The following NF1 variants were observed in gnomAD, a reference collection of about 807,000 sequenced individuals.
NF1 encodes the protein neurofibromin 1, also known as neurofibromin.
NF1 carries 122 observed loss-of-function variants against 325.7 expected under a neutral mutation model. The observed-to-expected ratio is 0.37, with a 90% CI of 0.32 to 0.44. The LOEUF (loss-of-function observed/expected upper bound fraction) is 0.44, where lower values mean the gene tolerates loss of function less well. Among genes scored for constraint, NF1 ranks in the 20% least tolerant of loss-of-function variants. The probability of loss-of-function intolerance (pLI) is 1.00; values close to 1 mark genes in which losing one functional copy is unlikely to be tolerated. For missense variants in NF1, 2,140 were observed against 3,415.4 expected, an observed-to-expected ratio of 0.63 and a Z score of 9.31; for synonymous variants, 1,091 against 1,186.0, an observed-to-expected ratio of 0.92 and a Z score of 1.65.
Position 31,330,459 on chromosome 17 carries a change from G to C in NF1, c.5773G>C (p.Glu1925Gln). The change falls in exon 39 of 58, where the codon GAA (glutamate) becomes CAA (glutamine). Residue 1925 changes from glutamate to glutamine, a missense_variant. Around this residue, in one of 10 missense-constraint regions of NF1, gnomAD observed 180 missense variants for 435.1 expected, o/e 0.41. Coordinates refer to ENST00000358273, the MANE Select transcript of NF1 (RefSeq NM_001042492.3). ...AGCCAATGAGCCACACCTCACGTTAGAATTTTTGGAAGAGTGTATTTCTGG... is the reference window on the plus strand; with the variant it reads ...AGCCAATGAGCCACACCTCACGTTACAATTTTTGGAAGAGTGTATTTCTGG... ...LAANEPHLTL[E>Q]FLEECISGFS... The C allele has an allele frequency of 6.2e-7, 1 of 1,613,692 alleles. No homozygotes were observed. Among genetic ancestry groups the C allele is most frequent in the Non-Finnish European group, 8.5e-7 (1 of 1,179,728 alleles).
intron 13 of NF1, among the ~76,000 whole-genome samples, chr17:31,217,700 C>T (rs1005626963): frequency 2.7e-4 from 41 of 151,716 alleles, no homozygotes; most frequent in African/African-American, 9.7e-4. Context: ...CGTGGTCGCT[C>T]ACATCTGTAA....
intron 14 of NF1, among the ~76,000 whole-genome samples, chr17:31,220,333 A>G (rs1789473318): frequency 6.6e-6 from 1 of 152,154 alleles, no homozygotes; most frequent in Admixed American, 6.5e-5. Context: ...ATTTGTGTAC[A>G]TTGCTATTGG....
rs749567006 is a variant in NF1, at chr17:31,337,847, A to G, written c.6671A>G (p.Lys2224Arg). The G allele has an allele frequency of 2.5e-6, 4 of 1,613,940 alleles. No homozygotes were observed. The East Asian group carries it at 8.9e-5, about 36-fold the overall frequency. The stretch of plus-strand genomic sequence containing the variant: ...TGCATGAGAGATATTCCAACGTGCA[A>G]GTGGCTGGACCAGTGGACAGAACTA... ...EACMRDIPTC[K>R]WLDQWTELAQ... Residue 2224 changes from lysine to arginine, a missense_variant, in exon 44 of 58, where the codon AAG (lysine) becomes AGG (arginine). Lys to Arg is a conservative substitution (Grantham distance 26, BLOSUM62 2). Transcript: ENST00000358273.
chr17:31,211,682 T>C (rs2066730084), intron 12 of NF1, among the ~76,000 whole-genome samples: 1 of 152,206 alleles, frequency 6.6e-6, no homozygotes, highest in Non-Finnish European at 1.5e-5. Flanking sequence ...TAGGCAGTTG[T>C]AGCACAATGG....
At chr17:31,146,110 C>T (rs1416185953) in intron 1 of NF1, among the ~76,000 whole-genome samples, 3 of 152,186 alleles carry the variant, frequency 2.0e-5, no homozygotes, top group African/African-American at 7.2e-5. Flanking sequence ...GGAGTCAAGG[C>T]ATTGCTTAGC....
At chr17:31,144,968 A>G (rs866174378) in intron 1 of NF1, among the ~76,000 whole-genome samples, 2 of 152,316 alleles carry the variant, frequency 1.3e-5, no homozygotes, top group Middle Eastern at 3.4e-3. Context: ...ATTCAAAATA[A>G]ATTCAGAGTT....
chr17:31,279,327 C>T (rs1395068087), intron 36 of NF1, among the ~76,000 whole-genome samples: 1 of 152,180 alleles, frequency 6.6e-6, no homozygotes, highest in Non-Finnish European at 1.5e-5. Flanking sequence ...AGCCATACCA[C>T]CCTGAATGCA....
intron 1 of NF1, among the ~76,000 whole-genome samples, chr17:31,134,462 A>T (rs1226315783): frequency 6.6e-6 from 1 of 152,144 alleles, no homozygotes; most frequent in Non-Finnish European, 1.5e-5. Context: ...GAACATATTT[A>T]TTAGTTATTT....
rs2151582173 is a variant in NF1, at chr17:31,356,966, A to G, written c.7745A>G (p.Gln2582Arg). The part of the protein sequence containing the change: ...VAETDYEMET[Q>R]RISSSQQHPH... ...ATTCCCTATCTTGCTGCAGAAACTC[A>G]GAGGATTTCCTCATCACAACAGCAC... Residue 2582 changes from glutamine (Q) to arginine (R), a missense_variant, in exon 53 of 58, where the codon CAG becomes CGG. Gln to Arg is a conservative substitution (Grantham distance 43). Around this residue, in one of 10 missense-constraint regions of NF1, gnomAD observed 522 missense variants for 749.0 expected, o/e 0.70. Coordinates refer to ENST00000358273, the MANE Select transcript of NF1 (RefSeq NM_001042492.3). 6.2e-7 allele frequency: 1 copy of G among 1,613,940 alleles called. No homozygotes were observed. The highest frequency in any genetic ancestry group is 8.5e-7 in the Non-Finnish European group (1 of 1,179,952).
rs2067622274 is a variant in NF1, at chr17:31,258,420, C to G, written c.4250C>G (p.Ala1417Gly). Residue 1417 changes from alanine (A) to glycine (G), a missense_variant, in exon 32 of 58, where the codon GCC (alanine) becomes GGC (glycine). This residue lies in a region of NF1 where 336 missense variants were observed against 399.0 expected (regional missense o/e 0.84). Coordinates refer to ENST00000358273, the MANE Select transcript of NF1 (RefSeq NM_001042492.3). ...ATGTTCCTCAGATTTATCAATCCTG[C>G]CATTGTCTCACCGTATGAAGCAGGG... Reference protein sequence around the residue: ...SAMFLRFINPAIVSPYEAGIL... With the variant: ...SAMFLRFINPGIVSPYEAGIL... 1 of 1,613,810 alleles carries G rather than the reference C, an allele frequency of 6.2e-7. No homozygotes were observed. The highest frequency in any genetic ancestry group is 8.5e-7 in the Non-Finnish European group (1 of 1,179,910).
At chr17:31,242,938 G>C (rs2067325525) in intron 29 of NF1, among the ~76,000 whole-genome samples, 2 of 152,170 alleles carry the variant, frequency 1.3e-5, no homozygotes, top group South Asian at 4.1e-4. Flanking sequence ...TTCTGGGGAA[G>C]GCTTTCCAAG....
intron 36 of NF1, among the ~76,000 whole-genome samples, chr17:31,283,454 T>G (rs2068163888): frequency 6.7e-6 from 1 of 148,286 alleles, no homozygotes; most frequent in Non-Finnish European, 1.5e-5. Context: ...TTACCAGTTT[T>G]TTTGTTTTTG....
intron 13 of NF1, 38 bp downstream of exon 13, chr17:31,214,623 A>T (rs1446215918): frequency 2.5e-6 from 4 of 1,605,208 alleles, no homozygotes. Context: ...AAATTATCAC[A>T]CTAAGTTAAT....
At chr17:31,231,863 A>G (rs1271010900) in intron 24 of NF1, among the ~76,000 whole-genome samples, 1 of 152,092 alleles carries the variant, frequency 6.6e-6, no homozygotes, top group Non-Finnish European at 1.5e-5. Context: ...GTAGAAAGTA[A>G]GTATTACCTT....
chr17:31,194,576 A>G (rs1395511307), intron 8 of NF1, among the ~76,000 whole-genome samples: 1 of 152,136 alleles, frequency 6.6e-6, no homozygotes, highest in African/African-American at 2.4e-5. Context: ...GATGATGGGT[A>G]TGCTAATTAC....
rs1400744158 is a variant in NF1 at position 31,192,541 on chromosome 17, C to G, written c.889-7881C>G. ...CAGATTTTGTTGTGCAGAGGAATCT[C>G]TCAGCAGACTTCAGAGAGAGAGAAG... On this transcript the variant is annotated intron_variant, in intron 8 of 57. Coordinates refer to ENST00000358273, the MANE Select transcript of NF1 (RefSeq NM_001042492.3). 3.9e-5 allele frequency among the ~76,000 whole-genome samples: 6 copies of G among 152,124 alleles called. No individual in the cohort carries two copies. In the East Asian group the frequency reaches 1.2e-3, roughly 29 times the overall value.
At chr17:31,314,199 C>T in intron 36 of NF1, 1 of 386,274 alleles carries the variant, frequency 2.6e-6, no homozygotes, top group Admixed American at 4.5e-5. Flanking sequence ...TTTAACAGAA[C>T]TTATTTTGAA....
chr17:31,150,392 A>C (rs1916849594), intron 1 of NF1, among the ~76,000 whole-genome samples: 1 of 152,142 alleles, frequency 6.6e-6, no homozygotes, highest in Non-Finnish European at 1.5e-5. Flanking sequence ...CACCACCAGT[A>C]CAATTTGTGT....
intron 1 of NF1, among the ~76,000 whole-genome samples, chr17:31,139,309 A>G (rs1433443738): frequency 6.6e-6 from 1 of 151,254 alleles, no homozygotes; most frequent in Non-Finnish European, 1.5e-5. Context: ...CGGCCTCTCA[A>G]AGTGCTGGGA....
Sources: gnomAD v4.1 joint callset for allele counts (sites outside exome capture counted in the v4.1 genomes callset) on GRCh38, gnomAD v4.1.1 for gene constraint, gnomAD v4.1.1 regional missense constraint, MANE v1.5 for transcripts, NCBI Gene and HGNC (gene_info 2026-07-23, HGNC 2026-07-21) for gene names.